Variants in GABRG1 observed in about 807,000 individuals in gnomAD.
The protein encoded by GABRG1 is gamma-aminobutyric acid type A receptor subunit gamma1.
In GABRG1, 49 loss-of-function variants were observed where a neutral mutation model predicts 49.8. The observed-to-expected ratio is 0.98, with a 90% CI of 0.78 to 1.25. GABRG1 has a LOEUF of 1.25. GABRG1 is among the 50% of genes most tolerant of loss of function. GABRG1 has a pLI of 0.00. For synonymous variants in GABRG1, 232 were observed against 185.1 expected (o/e 1.25, Z -2.06); for missense variants, 552 against 552.3 (o/e 1.00, Z 0.01).
intron 7 of GABRG1, among the ~76,000 whole-genome samples, chr4:46,052,851 C>T (rs1416173618): frequency 6.6e-6 from 1 of 151,890 alleles, no homozygotes; most frequent in African/African-American, 2.4e-5. Flanking sequence ...CCACCTCTTC[C>T]CCTCATGTCT....
intron 2 of GABRG1, among the ~76,000 whole-genome samples, chr4:46,090,900 AG>A (rs1231361730): frequency 6.6e-6 from 1 of 150,672 alleles, no homozygotes; most frequent in Non-Finnish European, 1.5e-5. Context: ...CTTCGAATTA[AG>A]GGCTATCAGG....
At chr4:46,093,845 AT>A (rs1209604555) in intron 2 of GABRG1, among the ~76,000 whole-genome samples, 2 of 151,990 alleles carry the variant, frequency 1.3e-5, no homozygotes, top group African/African-American at 4.8e-5. Flanking sequence ...TGGACTAAAA[AT>A]TTTTAAAGGC....
intron 8 of GABRG1, among the ~76,000 whole-genome samples, chr4:46,045,576 AAAAC>A (rs1208659086): frequency 6.7e-6 from 1 of 149,978 alleles, no homozygotes; most frequent in Non-Finnish European, 1.5e-5. Context: ...TCACTGTAAA[AAAAC>A]AAGATGATGG....
chr4:46,119,873 C>A (rs1422480844), intron 1 of GABRG1, among the ~76,000 whole-genome samples: 1 of 151,600 alleles, frequency 6.6e-6, no homozygotes, highest in African/African-American at 2.4e-5. Flanking sequence ...ACACAAGGAT[C>A]CATATATTTC....
chr4:46,058,097 A>AT (rs1718520956), intron 7 of GABRG1, 120 bp downstream of exon 7: 4 of 894,682 alleles, frequency 4.5e-6, no homozygotes, highest in African/African-American at 3.4e-5. Flanking sequence ...GTTCCTGTCA[A>AT]TTTTTTTCCT....
At chr4:46,119,745 T>C (rs1721041322) in intron 1 of GABRG1, among the ~76,000 whole-genome samples, 1 of 151,568 alleles carries the variant, frequency 6.6e-6, no homozygotes. Flanking sequence ...GGTGTATTTT[T>C]AATTTTGATT....
At chr4:46,091,355 T>C (rs1719983622) in intron 2 of GABRG1, among the ~76,000 whole-genome samples, 1 of 152,042 alleles carries the variant, frequency 6.6e-6, no homozygotes, top group African/African-American at 2.4e-5. Flanking sequence ...TCTCCATTAT[T>C]TTTCACATAC....
At chr4:46,117,473 T>C (rs1422589130) in intron 1 of GABRG1, among the ~76,000 whole-genome samples, 5 of 149,882 alleles carry the variant, frequency 3.3e-5, no homozygotes, top group African/African-American at 1.2e-4. Flanking sequence ...ACCTAAAATA[T>C]ATAGGAAATC....
intron 7 of GABRG1, among the ~76,000 whole-genome samples, chr4:46,056,219 T>G (rs1411426683): frequency 1.5e-4 from 21 of 140,288 alleles, no homozygotes; most frequent in Admixed American, 2.9e-4. Context: ...TTAAAGTCCT[T>G]AAAATGGCCC....
At chr4:46,092,451 C>T (rs541318580) in intron 2 of GABRG1, among the ~76,000 whole-genome samples, 1 of 151,524 alleles carries the variant, frequency 6.6e-6, no homozygotes, top group African/African-American at 2.4e-5. Context: ...AATATGTGTA[C>T]AATGCAATGA....
At chr4:46,075,442 C>T (rs146265405) in intron 3 of GABRG1, among the ~76,000 whole-genome samples, 108 of 152,006 alleles carry the variant, frequency 7.1e-4, no homozygotes, top group African/African-American at 2.4e-3. Context: ...GTGATCCTCC[C>T]GCCTCGGCCT....
At chr4:46,064,363 T>C (rs1718826462) in intron 5 of GABRG1, 78 bp downstream of exon 5, 3 of 763,670 alleles carry the variant, frequency 3.9e-6, no homozygotes, top group South Asian at 1.9e-5. Context: ...TCCTATTTTA[T>C]TTTCTTTCTT....
At chr4:46,065,645 A>C (rs1718887685) in intron 3 of GABRG1, 61 bp from the exon 4 acceptor site, 2 of 809,966 alleles carry the variant, frequency 2.5e-6, no homozygotes, top group Admixed American at 5.4e-5. Flanking sequence ...GTTTTTCTCG[A>C]AAGTTTGAAT....
At chr4:46,113,618 C>T (rs1157289791) in intron 1 of GABRG1, among the ~76,000 whole-genome samples, 2 of 150,976 alleles carry the variant, frequency 1.3e-5, no homozygotes, top group Non-Finnish European at 3.0e-5. Flanking sequence ...TATATTTGCC[C>T]ATTTGGACAA....
intron 1 of GABRG1, among the ~76,000 whole-genome samples, chr4:46,104,588 C>T (rs1720476692): frequency 6.6e-6 from 1 of 151,466 alleles, no homozygotes; most frequent in African/African-American, 2.4e-5. Context: ...ATCTAATTTT[C>T]ATTGCATTAC....
intron 3 of GABRG1, among the ~76,000 whole-genome samples, chr4:46,082,303 A>G (rs1403479775): frequency 6.6e-6 from 1 of 151,342 alleles, no homozygotes; most frequent in Non-Finnish European, 1.5e-5. Context: ...TATTTTCTCA[A>G]ATTATCTCTC....
At chr4:46,061,532 A>G (rs920551703) in intron 5 of GABRG1, among the ~76,000 whole-genome samples, 1 of 152,112 alleles carries the variant, frequency 6.6e-6, no homozygotes, top group Non-Finnish European at 1.5e-5. Context: ...GCCATTTTAC[A>G]TATTTTTAAG....
chr4:46,093,179 T>C (rs1173918682), intron 2 of GABRG1, among the ~76,000 whole-genome samples: 5 of 151,704 alleles, frequency 3.3e-5, no homozygotes, highest in Non-Finnish European at 7.4e-5. Context: ...ACCAGAAAGA[T>C]TGTTTCCTAA....
chr4:46,117,769 CAT>C (rs1162069689), intron 1 of GABRG1, among the ~76,000 whole-genome samples: 135 of 139,098 alleles, frequency 9.7e-4, no homozygotes, highest in African/African-American at 3.4e-3. Flanking sequence ...TATACATATA[CAT>C]ATATACATAC....
Sources: allele counts gnomAD v4.1 joint callset (sites outside exome capture counted in the v4.1 genomes callset), GRCh38; gene constraint gnomAD v4.1.1; transcripts MANE v1.5; gene names NCBI Gene and HGNC (gene_info 2026-07-23, HGNC 2026-07-21).